NXPH2: variants seen among roughly 807,000 people sequenced by gnomAD.
NXPH2 encodes the protein neurexophilin 2.
A neutral mutation model predicts 19.8 loss-of-function variants in NXPH2; 5 were observed. The observed-to-expected ratio is 0.25, with a 90% CI of 0.13 to 0.53. The LOEUF (loss-of-function observed/expected upper bound fraction) is 0.53. Ranked by LOEUF, NXPH2 falls within the 20% of genes least tolerant of loss-of-function variation. NXPH2 has a pLI of 0.96. For synonymous variants in NXPH2, 154 were observed against 127.4 expected (o/e 1.21, Z -1.41); for missense variants, 289 against 322.8 (o/e 0.90, Z 0.80).
intron 1 of NXPH2, among the ~76,000 whole-genome samples, chr2:138,682,564 A>G (rs1051891913): frequency 4.6e-5 from 7 of 152,242 alleles, no homozygotes; most frequent in Non-Finnish European, 1.0e-4. Context: ...TGAAAAACAA[A>G]TGATTGCTTA....
intron 1 of NXPH2, among the ~76,000 whole-genome samples, chr2:138,730,754 C>G (rs1208770752): frequency 6.6e-6 from 1 of 152,182 alleles, no homozygotes; most frequent in African/African-American, 2.4e-5. Context: ...TCAGCGGGTG[C>G]TCTGTAAAAT....
At chr2:138,734,825 G>C (rs2105002202) in intron 1 of NXPH2, among the ~76,000 whole-genome samples, 1 of 152,242 alleles carries the variant, frequency 6.6e-6, no homozygotes, top group Non-Finnish European at 1.5e-5. Flanking sequence ...TGGTGAGCAT[G>C]GATAAGAGGA....
At chr2:138,741,232 G>T (rs1573973651) in intron 1 of NXPH2, among the ~76,000 whole-genome samples, 1 of 152,124 alleles carries the variant, frequency 6.6e-6, no homozygotes, top group African/African-American at 2.4e-5. Context: ...GCATGCAGGG[G>T]CGTTAGTCCA....
chr2:138,745,283 G>T (rs1681707124), intron 1 of NXPH2, among the ~76,000 whole-genome samples: 1 of 152,166 alleles, frequency 6.6e-6, no homozygotes, highest in Admixed American at 6.5e-5. Flanking sequence ...TTAACAAATT[G>T]CTTTCTTAAG....
chr2:138,693,400 C>A (rs1468775852), intron 1 of NXPH2, among the ~76,000 whole-genome samples: 1 of 152,092 alleles, frequency 6.6e-6, no homozygotes, highest in Non-Finnish European at 1.5e-5. Flanking sequence ...CATGTTCTGC[C>A]ATGTGAGCCA....
intron 1 of NXPH2, among the ~76,000 whole-genome samples, chr2:138,733,818 G>A (rs112534037): frequency 6.6e-6 from 1 of 152,166 alleles, no homozygotes; most frequent in African/African-American, 2.4e-5. Context: ...TCCTGAAGAC[G>A]CTGACCAGCA....
At chr2:138,726,098 A>C (rs1681353352) in intron 1 of NXPH2, among the ~76,000 whole-genome samples, 1 of 152,144 alleles carries the variant, frequency 6.6e-6, no homozygotes, top group Non-Finnish European at 1.5e-5. Context: ...GCTGGAGTGC[A>C]GTGGCATAGT....
intron 1 of NXPH2, among the ~76,000 whole-genome samples, chr2:138,768,616 A>C (rs929628893): frequency 3.3e-5 from 5 of 152,182 alleles, no homozygotes; most frequent in Non-Finnish European, 5.9e-5. Context: ...CAAACCCTGG[A>C]TTCTGTTCTA....
chr2:138,671,541 A>G lies in NXPH2; in HGVS notation c.176T>C (p.Phe59Ser), dbSNP rs1680415242. The change falls in exon 2 of 2, where the codon TTT becomes TCT. Residue 59 changes from phenylalanine to serine, a missense_variant. Phe to Ser is a radical substitution (Grantham distance 155). Coordinates refer to ENST00000272641, the MANE Select transcript of NXPH2 (RefSeq NM_007226.3). ...CTTGGGCACCGGAGACTGTTTAACA[A>G]ACAGGCGCAGGGGACTGATGATCCT... Reference protein sequence around the residue: ...HSRIISPLRLFVKQSPVPKPG... With the variant: ...HSRIISPLRLSVKQSPVPKPG... The G allele has an allele frequency of 2.5e-6, 4 of 1,614,004 alleles. No individual in the cohort carries two copies. The highest frequency in any genetic ancestry group is 2.5e-6 in the Non-Finnish European group (3 of 1,179,876).
At chr2:138,684,276 T>C (rs1015446655) in intron 1 of NXPH2, among the ~76,000 whole-genome samples, 2 of 152,054 alleles carry the variant, frequency 1.3e-5, no homozygotes, top group Non-Finnish European at 2.9e-5. Flanking sequence ...ATAGTAATAC[T>C]CTAATGAGAC....
intron 1 of NXPH2, among the ~76,000 whole-genome samples, chr2:138,677,839 A>T (rs1182553961): frequency 1.3e-5 from 2 of 152,186 alleles, no homozygotes; most frequent in Non-Finnish European, 2.9e-5. Flanking sequence ...GAATAATTTT[A>T]GTTTACAGAA....
chr2:138,702,788 C>G (rs570116468), intron 1 of NXPH2, among the ~76,000 whole-genome samples: 22 of 152,034 alleles, frequency 1.4e-4, no homozygotes, highest in African/African-American at 5.3e-4. Flanking sequence ...ACAACAACAA[C>G]AAAAAGTGAA....
intron 1 of NXPH2, among the ~76,000 whole-genome samples, chr2:138,774,111 A>G (rs80140033): frequency 6.6e-6 from 1 of 152,240 alleles, no homozygotes; most frequent in Admixed American, 6.5e-5. Flanking sequence ...GATGAAGAAC[A>G]GTATTAATCT....
At chr2:138,718,007 T>C (rs372835709) in intron 1 of NXPH2, among the ~76,000 whole-genome samples, 211 of 151,330 alleles carry the variant, frequency 1.4e-3, no homozygotes, top group African/African-American at 4.9e-3. Flanking sequence ...AAACCAAAAA[T>C]GCCATAAGAA....
chr2:138,712,535 C>T (rs1290412617), intron 1 of NXPH2, among the ~76,000 whole-genome samples: 1 of 152,190 alleles, frequency 6.6e-6, no homozygotes, highest in East Asian at 1.9e-4. Context: ...AAGGAGCCTT[C>T]AAGTGCAGTT....
Position 138,717,683 on chromosome 2 carries a change from G to A in NXPH2, c.52-46018C>T, listed in dbSNP as rs1681214304. On this transcript the variant is annotated intron_variant, in intron 1 of 1. Transcript: ENST00000272641. Reference sequence around the variant, plus strand: ...TCCAGACCAGAGCAGCAACCTGTATGCTTCAGAAATATGAACAAAAGATCA... The same window carrying A: ...TCCAGACCAGAGCAGCAACCTGTATACTTCAGAAATATGAACAAAAGATCA... Among the ~76,000 whole-genome samples the A allele has an allele frequency of 2.0e-5, 3 of 151,964 alleles. No homozygotes were observed. In the South Asian group the frequency reaches 6.2e-4, roughly 32 times the overall value.
At chr2:138,777,865 A>G (rs1260394843) in intron 1 of NXPH2, among the ~76,000 whole-genome samples, 1 of 145,060 alleles carries the variant, frequency 6.9e-6, no homozygotes, top group Non-Finnish European at 1.5e-5. Flanking sequence ...GCCTTATGTC[A>G]GCAAAGGGCA....
chr2:138,767,672 CG>C (rs1381997891), intron 1 of NXPH2, among the ~76,000 whole-genome samples: 2 of 152,064 alleles, frequency 1.3e-5, no homozygotes, highest in Non-Finnish European at 2.9e-5. Context: ...TAAGATAAAA[CG>C]TTTTTTTCCT....
intron 1 of NXPH2, among the ~76,000 whole-genome samples, chr2:138,751,641 G>A (rs1439358794): frequency 6.6e-6 from 1 of 152,068 alleles, no homozygotes; most frequent in African/African-American, 2.4e-5. Context: ...CTTCAAAGGA[G>A]ACATATAATA....
Sources: allele counts gnomAD v4.1 joint callset (sites outside exome capture counted in the v4.1 genomes callset), GRCh38; gene constraint gnomAD v4.1.1; transcripts MANE v1.5; gene names NCBI Gene and HGNC (gene_info 2026-07-23, HGNC 2026-07-21).